PZP: variants seen among roughly 807,000 people sequenced by gnomAD.
The protein encoded by PZP is pregnancy zone protein.
A neutral mutation model predicts 179.8 loss-of-function variants in PZP; 150 were observed. The ratio of observed to expected loss-of-function variants is 0.83; its 90% CI spans 0.73 to 0.96. PZP has a LOEUF of 0.96. Ranked by LOEUF, PZP falls within the 40% of genes least tolerant of loss-of-function variation. The probability of loss-of-function intolerance (pLI) is 0.00; values close to 1 mark genes in which losing one functional copy is unlikely to be tolerated. For synonymous variants in PZP, 624 were observed against 652.3 expected, an observed-to-expected ratio of 0.96 and a Z score of 0.66; for missense variants, 1,689 against 1,764.0, an observed-to-expected ratio of 0.96 and a Z score of 0.76.
intron 2 of PZP, 24 bp downstream of exon 2, chr12:9,203,744 G>A (rs756317080): frequency 1.2e-6 from 2 of 1,612,920 alleles, no homozygotes; most frequent in African/African-American, 2.7e-5. Flanking sequence ...AGCAGGGATA[G>A]CCAGCTGGCA....
chr12:9,196,297 C>T (rs1406286870), intron 10 of PZP, 33 bp downstream of exon 10: 4 of 1,483,438 alleles, frequency 2.7e-6, no homozygotes, highest in South Asian at 2.3e-5. Context: ...CAACTGGATA[C>T]TTTGCTTACC....
rs1188577998 is a variant in PZP at position 9,170,366 on chromosome 12, C to T, written c.1840-775G>A. On this transcript the variant is annotated intron_variant, in intron 15 of 35. Transcript: ENST00000261336. This position sits in a 1 kb window ranked among gnomAD's most constrained non-coding sequence, Gnocchi z 4.6. The stretch of plus-strand genomic sequence containing the variant: ...GCTATGTGGAGTCTTGGCAGAGCAG[C>T]TGCTCAGGCACACAGAAACCCTGGA... 6.6e-6 allele frequency among the ~76,000 whole-genome samples: 1 copy of T among 152,166 alleles called. No homozygotes were observed. Among genetic ancestry groups the T allele is most frequent in the Non-Finnish European group, 1.5e-5 (1 of 68,038 alleles).
intron 27 of PZP, 77 bp downstream of exon 27, chr12:9,157,690 A>G: frequency 7.7e-7 from 1 of 1,303,932 alleles, no homozygotes; most frequent in Non-Finnish European, 1.1e-6. Flanking sequence ...CTTGAGACTC[A>G]ACCCTTAGCA....
chr12:9,178,591 C>A (rs1486290291), intron 15 of PZP, among the ~76,000 whole-genome samples: 1 of 152,184 alleles, frequency 6.6e-6, no homozygotes, highest in Admixed American at 6.5e-5. Flanking sequence ...TTCTATCTAT[C>A]AAATGGTGAA....
intron 8 of PZP, 124 bp from the exon 9 acceptor site, chr12:9,196,809 G>A (rs986250311): frequency 2.3e-5 from 19 of 841,824 alleles, no homozygotes; most frequent in South Asian, 7.9e-5. Flanking sequence ...ATTGACCTTC[G>A]AGAACTTAAT....
intron 35 of PZP, 110 bp downstream of exon 35, chr12:9,149,451 T>C (rs1331180754): frequency 1.8e-6 from 2 of 1,099,100 alleles, no homozygotes; most frequent in Non-Finnish European, 2.6e-6. Flanking sequence ...GGACATGCCA[T>C]GTGGATTGTC....
intron 13 of PZP, among the ~76,000 whole-genome samples, chr12:9,188,171 C>T (rs1943242717): frequency 6.6e-6 from 1 of 152,208 alleles, no homozygotes; most frequent in South Asian, 2.1e-4. Context: ...AAAAGCTTAG[C>T]TACCGCGATC....
At chr12:9,200,704 G>A (rs771966924) in intron 6 of PZP, among the ~76,000 whole-genome samples, 188 bp downstream of exon 6, 16 of 152,288 alleles carry the variant, frequency 1.1e-4, no homozygotes, top group South Asian at 6.2e-4. Flanking sequence ...TTGGCAAAGC[G>A]TAATTTGCTA....
rs372148413 is a variant in PZP, at chr12:9,200,767, C to A, written c.670+125G>T. 4.0e-5 allele frequency: 41 copies of A among 1,028,670 alleles called. No individual in the cohort carries two copies. The African/African-American group carries it at 5.4e-4, about 14-fold the overall frequency. 63.7% of individuals were successfully genotyped at this position (1,028,670 alleles called of 1,614,324 possible). On this transcript the variant is annotated intron_variant, in intron 6 of 35. Coordinates refer to ENST00000261336, the MANE Select transcript of PZP (RefSeq NM_002864.3). Reference sequence around the variant, plus strand: ...TCTGTGTTCACACCGTCCTAATGGTCTTAGAAGCAGTAAGTCTGACTCTAC... The same window carrying A: ...TCTGTGTTCACACCGTCCTAATGGTATTAGAAGCAGTAAGTCTGACTCTAC...
chr12:9,182,145 T>TGGTCATAAGTGAGACAAAAA, intron 13 of PZP, 28 bp from the exon 14 acceptor site: 1 of 1,607,508 alleles, frequency 6.2e-7, no homozygotes. Flanking sequence ...TGAGACAAAA[T>TGGTCATAAGTGAGACAAAAA]GGTCATAAGT....
At chr12:9,205,168 A>C (rs1005592013) in intron 1 of PZP, among the ~76,000 whole-genome samples, 1 of 152,126 alleles carries the variant, frequency 6.6e-6, no homozygotes, top group East Asian at 1.9e-4. Context: ...TTTTATTTAA[A>C]TTGTTGAAAG....
chr12:9,206,942 A>G (rs957793742), intron 1 of PZP, among the ~76,000 whole-genome samples: 3 of 152,138 alleles, frequency 2.0e-5, no homozygotes, highest in African/African-American at 7.2e-5. Context: ...GCCTCCACAT[A>G]TTCCCATATG....
At position 9,192,539 on chromosome 12, in the gene PZP, C is replaced by T. The variant is rs199873342; in HGVS notation, c.1455G>A (p.Glu485=). ...GGTAATGGAAACTGAGCTCCGATAA[C>T]TCTCCCATGGCCTGTCTATTCAGTG... ...HYTLNRQAMG[E]LSELSFHYLI... The change falls in exon 12 of 36, where the codon GAG becomes GAA. Residue 485 remains glutamate (E), a synonymous_variant. Coordinates refer to ENST00000261336, the MANE Select transcript of PZP (RefSeq NM_002864.3). 2.9e-4 allele frequency: 466 copies of T among 1,613,652 alleles called. 1 individual carries two copies. The highest frequency in any genetic ancestry group is 3.6e-4 in the Non-Finnish European group (422 of 1,179,706).
In PZP at chr12:9,165,266, G is replaced by A; in HGVS notation, c.2360C>T (p.Ser787Phe). ...CLSEDAGLGI[S>F]STASLRAFQP... is the part of the protein sequence containing the mutation. ...GAAGGCTCGGAGAGAGGCAGTGGAA[G>A]AGATACCAAGTCCAGCATCTTCGGA... The change falls in exon 19 of 36, where the codon TCT (serine) becomes TTT (phenylalanine). Residue 787 changes from serine (S) to phenylalanine (F), a missense_variant. Coordinates refer to ENST00000261336, the MANE Select transcript of PZP (RefSeq NM_002864.3). The A allele has an allele frequency of 6.2e-7, 1 of 1,614,196 alleles. No individual in the cohort carries two copies. The highest frequency in any genetic ancestry group is 1.7e-5 in the Admixed American group (1 of 60,028).
intron 15 of PZP, among the ~76,000 whole-genome samples, chr12:9,174,260 T>G (rs769061469): frequency 6.6e-6 from 1 of 152,330 alleles, no homozygotes; most frequent in South Asian, 2.1e-4. Context: ...AGAAAAGGCC[T>G]TTGATAAAAT....
intron 21 of PZP, among the ~76,000 whole-genome samples, chr12:9,163,378 G>A (rs921322310): frequency 3.3e-5 from 5 of 151,602 alleles, no homozygotes; most frequent in Admixed American, 6.6e-5. Context: ...GCATGAACCC[G>A]GGAGGCAGAG....
intron 28 of PZP, among the ~76,000 whole-genome samples, chr12:9,155,248 A>ATTT (rs1229983287): frequency 6.6e-6 from 1 of 152,246 alleles, no homozygotes; most frequent in Non-Finnish European, 1.5e-5. Context: ...AGATAAAAAT[A>ATTT]GTTTGAAAAT....
Position 9,158,508 on chromosome 12 carries a change from A to T in PZP, c.3206T>A (p.Ile1069Asn). The T allele has an allele frequency of 6.2e-7, 1 of 1,614,144 alleles. No homozygotes were observed. The highest frequency in any genetic ancestry group is 8.5e-7 in the Non-Finnish European group (1 of 1,180,014). ...RSYIFIDEAH[I>N]TQSLTWLSQM... ...GGAGAGCCACGTGAGAGATTGGGTAATGTGTGCTTCATCAATGAAGATGTA... is the reference window on the plus strand; with the variant it reads ...GGAGAGCCACGTGAGAGATTGGGTATTGTGTGCTTCATCAATGAAGATGTA... The change falls in exon 26 of 36, where the codon ATT (isoleucine) becomes AAT (asparagine). Residue 1069 changes from isoleucine (I) to asparagine (N), a missense_variant. Physicochemically the swap from Ile to Asn is moderately radical, Grantham distance 149 (BLOSUM62 -3). This residue lies in a region of PZP where 746 missense variants were observed against 749.2 expected (regional missense o/e 1.00). Coordinates refer to ENST00000261336, the MANE Select transcript of PZP (RefSeq NM_002864.3).
chr12:9,203,731 T>C, intron 2 of PZP, 37 bp downstream of exon 2: 7 of 1,609,240 alleles, frequency 4.3e-6, no homozygotes, highest in African/African-American at 1.3e-5. Flanking sequence ...ATAAAATGTA[T>C]CAAGCAGGGA....
Sources: gnomAD v4.1 joint callset for allele counts (sites outside exome capture counted in the v4.1 genomes callset) on GRCh38, gnomAD v4.1.1 for gene constraint, gnomAD v4.1.1 regional missense constraint, Gnocchi (gnomAD v3.1) non-coding constraint, MANE v1.5 for transcripts, NCBI Gene and HGNC (gene_info 2026-07-23, HGNC 2026-07-21) for gene names.